The following IL33 variants were observed in gnomAD, a reference collection of about 807,000 sequenced individuals.
IL33 encodes interleukin-33.
Under a neutral mutation model 27.3 loss-of-function variants are expected in IL33, and 37 were observed. That is an observed-to-expected ratio of 1.36 (90% CI 1.04 to 1.78). The LOEUF (loss-of-function observed/expected upper bound fraction) is 1.78. Among genes scored for constraint, IL33 ranks in the 40% most tolerant of loss-of-function variants. IL33 has a pLI of 0.00. For missense variants in IL33, 406 were observed against 311.4 expected (o/e 1.30, Z -2.29); for synonymous variants, 132 against 102.9 (o/e 1.28, Z -1.71).
intron 1 of IL33, among the ~76,000 whole-genome samples, chr9:6,234,512 T>C (rs554917125): frequency 5.3e-5 from 8 of 152,290 alleles, no homozygotes; most frequent in African/African-American, 1.9e-4. Context: ...GCCCCTAAAC[T>C]GGGAGTGAGA....
Position 6,252,082 on chromosome 9 carries a change from ACAAAAC to A in IL33, c.344-783_344-778del, listed in dbSNP as rs1564073351. On this transcript the variant is annotated intron_variant, in intron 4 of 7. Transcript: ENST00000682010. The stretch of plus-strand genomic sequence containing the variant: ...AAAAAAAAACCCAACAAAAAACAAA[ACAAAAC>A]AAAAAAACCAACTTTACCTGGAAAT... Among the ~76,000 whole-genome samples, 840 of 128,270 alleles carry A rather than the reference ACAAAAC, an allele frequency of 6.5e-3. 53 individuals carry two copies. Among genetic ancestry groups the A allele is most frequent in the African/African-American group, 0.019 (604 of 31,546 alleles). The allele number at this position is 128,270 out of a possible 152,430, so 84.2% of individuals were successfully genotyped here. A position where few individuals can be genotyped will look rare whatever the true frequency, so the allele number is the denominator to read the frequency against.
At chr9:6,222,691 T>G (rs1818463200) in intron 1 of IL33, among the ~76,000 whole-genome samples, 1 of 152,202 alleles carries the variant, frequency 6.6e-6, no homozygotes, top group Non-Finnish European at 1.5e-5. Flanking sequence ...GCACATGGAA[T>G]CCCCTTTATA....
chr9:6,251,799 G>A (rs1238719185), intron 4 of IL33, among the ~76,000 whole-genome samples: 1 of 151,078 alleles, frequency 6.6e-6, no homozygotes, highest in East Asian at 2.0e-4. Context: ...CAGCACTTTG[G>A]GAGGCCGAGG....
chr9:6,228,706 T>G lies in IL33; in HGVS notation c.-12+12854T>G, dbSNP rs566965819. 5.3e-5 allele frequency among the ~76,000 whole-genome samples: 8 copies of G among 151,920 alleles called. No homozygotes were observed. The South Asian group carries it at 1.2e-3, about 24-fold the overall frequency. The stretch of plus-strand genomic sequence containing the variant: ...ACCCTGTCTCTACAAAAATAAAAAT[T>G]TAGCCGAGTGTGGTGGCACACACCT... On this transcript the variant is annotated intron_variant, in intron 1 of 7. Coordinates refer to ENST00000682010, the MANE Select transcript of IL33 (RefSeq NM_033439.4).
chr9:6,253,301 T>C (rs1113573), intron 5 of IL33, among the ~76,000 whole-genome samples: 54,297 of 151,762 alleles, frequency 0.36, 10,029 homozygotes, highest in East Asian at 0.47. Flanking sequence ...CTAGCCCTAT[T>C]AGTATCACCA....
intron 2 of IL33, among the ~76,000 whole-genome samples, chr9:6,249,986 A>G (rs1450759505): frequency 6.6e-6 from 1 of 152,204 alleles, no homozygotes; most frequent in African/African-American, 2.4e-5. Context: ...CACATTTCAT[A>G]TGAGTAAAAG....
chr9:6,239,817 ACT>A (rs1286207213), intron 1 of IL33, among the ~76,000 whole-genome samples: 3 of 151,910 alleles, frequency 2.0e-5, no homozygotes, highest in Non-Finnish European at 4.4e-5. Flanking sequence ...TTTTTTAGTG[ACT>A]CTGCTTTCTG....
chr9:6,253,612 A>G lies in IL33; in HGVS notation c.520+10A>G. On this transcript the variant is annotated intron_variant, in intron 6 of 7. Coordinates refer to ENST00000682010, the MANE Select transcript of IL33 (RefSeq NM_033439.4). ...CCCTCAAATGAATCAGGTAATTTGG[A>G]GGGCTGGGTAGCTGTAGTGCTTGAA... 1 of 1,601,650 alleles carries G rather than the reference A, an allele frequency of 6.2e-7. No individual in the cohort carries two copies. The highest frequency in any genetic ancestry group is 8.5e-7 in the Non-Finnish European group (1 of 1,170,564).
chr9:6,250,568 A>C lies in IL33; in HGVS notation c.186A>C (p.Arg62Ser). Residue 62 changes from arginine (R) to serine (S), a missense_variant, in exon 3 of 8, where the codon AGA becomes AGC. Arg to Ser is a moderately radical substitution (Grantham distance 110). Transcript: ENST00000682010. ...MIKKEACYFR[R>S]ETTKRPSLKT... ...AAAAGGAGGCCTGTTACTTTAGGAG[A>C]GAAACCACCAAAAGGCCTTCACTGA... 6.2e-7 allele frequency: 1 copy of C among 1,613,948 alleles called. No individual in the cohort carries two copies. The highest frequency in any genetic ancestry group is 8.5e-7 in the Non-Finnish European group (1 of 1,179,898).
intron 1 of IL33, among the ~76,000 whole-genome samples, chr9:6,222,252 A>G (rs1818442979): frequency 6.6e-6 from 1 of 152,190 alleles, no homozygotes. Flanking sequence ...ATCAAATTTA[A>G]TTTCATCTAA....
At chr9:6,227,055 G>A (rs929216555) in intron 1 of IL33, among the ~76,000 whole-genome samples, 1 of 152,220 alleles carries the variant, frequency 6.6e-6, no homozygotes, top group African/African-American at 2.4e-5. Context: ...GCCATGTAGG[G>A]GCTGACTTGT....
chr9:6,240,422 A>C (rs139168762), intron 1 of IL33, among the ~76,000 whole-genome samples: 5 of 152,334 alleles, frequency 3.3e-5, no homozygotes, highest in African/African-American at 9.6e-5. Context: ...GGTTAAAATA[A>C]AGGATTGTGG....
At chr9:6,228,353 C>G (rs1031641475) in intron 1 of IL33, among the ~76,000 whole-genome samples, 1 of 152,114 alleles carries the variant, frequency 6.6e-6, no homozygotes, top group Admixed American at 6.5e-5. Context: ...ACTCTACATG[C>G]TTTTGCTAAG....
At chr9:6,226,278 G>C (rs1818624004) in intron 1 of IL33, among the ~76,000 whole-genome samples, 2 of 151,922 alleles carry the variant, frequency 1.3e-5, no homozygotes, top group Non-Finnish European at 1.5e-5. Flanking sequence ...GCTTCCAAAA[G>C]TGCTGGGACT....
At chr9:6,219,389 T>C (rs937837778) in intron 1 of IL33, among the ~76,000 whole-genome samples, 1 of 151,938 alleles carries the variant, frequency 6.6e-6, no homozygotes, top group Non-Finnish European at 1.5e-5. Context: ...GAGTGAGGAA[T>C]TGGGGGCGCT....
Position 6,256,250 on chromosome 9 carries a change from T to C in IL33, c.*82T>C, listed in dbSNP as rs1816724893. On this transcript the variant is annotated 3_prime_UTR_variant, in exon 8 of 8. Coordinates refer to ENST00000682010, the MANE Select transcript of IL33 (RefSeq NM_033439.4). ...AATGAGAGATAAAGAAAGAGACAGGTGACATCTAAGGGAAATGAAGAGTGC... is the reference window on the plus strand; with the variant it reads ...AATGAGAGATAAAGAAAGAGACAGGCGACATCTAAGGGAAATGAAGAGTGC... 2.0e-6 allele frequency: 2 copies of C among 1,003,650 alleles called. No individual in the cohort carries two copies. The highest frequency in any genetic ancestry group is 3.8e-5 in the Admixed American group (2 of 52,542). The allele number at this position is 1,003,650 out of a possible 1,614,324, so 62.2% of individuals were successfully genotyped here. A position where few individuals can be genotyped will look rare whatever the true frequency, so the allele number is the denominator to read the frequency against.
At chr9:6,225,994 A>T (rs1004305865) in intron 1 of IL33, among the ~76,000 whole-genome samples, 2 of 151,930 alleles carry the variant, frequency 1.3e-5, no homozygotes, top group Non-Finnish European at 2.9e-5. Flanking sequence ...ATATATGAAG[A>T]TGTGGATTTT....
At chr9:6,218,626 T>C (rs903684984) in intron 1 of IL33, among the ~76,000 whole-genome samples, 4 of 147,832 alleles carry the variant, frequency 2.7e-5, no homozygotes, top group African/African-American at 4.9e-5. Context: ...ATATTCTCCC[T>C]ATATATATAT....
chr9:6,216,673 A>C (rs531411400), intron 1 of IL33, among the ~76,000 whole-genome samples: 1 of 152,242 alleles, frequency 6.6e-6, no homozygotes, highest in African/African-American at 2.4e-5. Flanking sequence ...GCTTGAACCC[A>C]GGAGGTGGAG....
Sources: gnomAD v4.1 joint callset for allele counts (sites outside exome capture counted in the v4.1 genomes callset) on GRCh38, gnomAD v4.1.1 for gene constraint, MANE v1.5 for transcripts, NCBI Gene and HGNC (gene_info 2026-07-23, HGNC 2026-07-21) for gene names.